Variants in NTRK2 observed in about 807,000 individuals in gnomAD.
NTRK2 encodes the protein BDNF/NT-3 growth factors receptor.
In NTRK2, 13 loss-of-function variants were observed where a neutral mutation model predicts 94.5. The observed-to-expected ratio is 0.14, with a 90% CI of 0.09 to 0.22. The LOEUF is 0.22. Ranked by LOEUF, NTRK2 falls within the 10% of genes least tolerant of loss-of-function variation. The pLI is 1.00. For synonymous variants in NTRK2, 372 were observed against 407.4 expected (o/e 0.91, Z 1.05); for missense variants, 639 against 1,071.2 (o/e 0.60, Z 5.63).
chr9:85,013,449 C>T (rs567392012), intron 17 of NTRK2, among the ~76,000 whole-genome samples: 2 of 152,170 alleles, frequency 1.3e-5, no homozygotes, highest in South Asian at 2.1e-4. Flanking sequence ...ATTACAGGTG[C>T]GTGACACCAC....
intron 10 of NTRK2, among the ~76,000 whole-genome samples, chr9:84,742,816 T>TTTC (rs1554713365): frequency 1.5e-5 from 2 of 136,794 alleles, no homozygotes; most frequent in Non-Finnish European, 3.1e-5. Flanking sequence ...TTTTTTTTTT[T>TTTC]CCGAGACGGA....
Position 84,707,840 on chromosome 9 carries a change from T to C in NTRK2, c.360-4T>C, listed in dbSNP as rs779129855. The stretch of plus-strand genomic sequence containing the variant: ...TCATGTTTAATGTTTTTGATTCCTT[T>C]CAGCAATTTTACCCGAAACAAACTG... On this transcript the variant is annotated splice_polypyrimidine_tract_variant and splice_region_variant and intron_variant, in intron 4 of 18. Coordinates refer to ENST00000277120, the MANE Select transcript of NTRK2 (RefSeq NM_006180.6). The C allele has an allele frequency of 1.2e-6, 2 of 1,610,708 alleles. No individual in the cohort carries two copies. The highest frequency in any genetic ancestry group is 4.5e-5 in the East Asian group (2 of 44,754).
Position 85,024,938 on chromosome 9 carries a change from T to C in NTRK2, c.*3501T>C. On this transcript the variant is annotated 3_prime_UTR_variant, in exon 19 of 19. Transcript: ENST00000277120. ...GTGTTATAAATACTTGATTTATACA[T>C]ATACAAATGCACATACGTAGTGTGT... is the stretch of plus-strand genomic sequence containing the variant. 4.3e-6 allele frequency: 1 copy of C among 233,102 alleles called. No individual in the cohort carries two copies. 14.4% of individuals were successfully genotyped at this position (233,102 alleles called of 1,614,324 possible).
chr9:84,686,901 C>A (rs2059751673), intron 2 of NTRK2, among the ~76,000 whole-genome samples: 1 of 151,862 alleles, frequency 6.6e-6, no homozygotes, highest in Non-Finnish European at 1.5e-5. Flanking sequence ...GTTGAATAAT[C>A]AAAAAGATAA....
intron 17 of NTRK2, among the ~76,000 whole-genome samples, chr9:85,019,792 G>A (rs529913882): frequency 6.6e-6 from 1 of 152,342 alleles, no homozygotes; most frequent in East Asian, 1.9e-4. Context: ...CTCTGGCCTT[G>A]CCAAGGAAGT....
intron 16 of NTRK2, among the ~76,000 whole-genome samples, chr9:84,949,286 T>A (rs765053757): frequency 3.3e-5 from 5 of 152,134 alleles, no homozygotes; most frequent in Non-Finnish European, 7.4e-5. Flanking sequence ...CCTGAGGTCA[T>A]GAAAAGATGG....
intron 12 of NTRK2, among the ~76,000 whole-genome samples, chr9:84,826,187 T>G (rs918504621): frequency 6.6e-6 from 1 of 152,088 alleles, no homozygotes; most frequent in Non-Finnish European, 1.5e-5. Flanking sequence ...CATTGTGGAG[T>G]CTGGAAGTTT....
chr9:84,723,457 A>G, intron 6 of NTRK2, 116 bp from the exon 7 acceptor site: 4 of 1,250,532 alleles, frequency 3.2e-6, no homozygotes. Context: ...AATCAGTCTC[A>G]AAAAGCAATT....
chr9:84,899,161 T>C (rs1326512616), intron 14 of NTRK2, among the ~76,000 whole-genome samples: 1 of 152,224 alleles, frequency 6.6e-6, no homozygotes, highest in Admixed American at 6.5e-5. Flanking sequence ...GATGTCAGCA[T>C]GAATGTCTCC....
intron 14 of NTRK2, among the ~76,000 whole-genome samples, chr9:84,887,879 G>A (rs945669114): frequency 2.6e-5 from 4 of 152,186 alleles, no homozygotes; most frequent in Non-Finnish European, 5.9e-5. Context: ...ATTTGTTAAC[G>A]TTAATTGAGG....
At chr9:84,775,128 T>A (rs2066906621) in intron 12 of NTRK2, among the ~76,000 whole-genome samples, 1 of 152,238 alleles carries the variant, frequency 6.6e-6, no homozygotes, top group South Asian at 2.1e-4. Context: ...TAATGGTCCA[T>A]GAGGCTGAGA....
intron 12 of NTRK2, among the ~76,000 whole-genome samples, chr9:84,824,963 T>G (rs980890330): frequency 1.9e-4 from 29 of 152,002 alleles, no homozygotes; most frequent in Non-Finnish European, 3.5e-4. Flanking sequence ...ACCTCTGGAT[T>G]TTGTGGGTTC....
chr9:84,824,482 T>C (rs2073056161), intron 12 of NTRK2, among the ~76,000 whole-genome samples: 1 of 152,230 alleles, frequency 6.6e-6, no homozygotes, highest in Admixed American at 6.5e-5. Context: ...AGCTCTTCTT[T>C]TCCTCTAGTA....
intron 14 of NTRK2, among the ~76,000 whole-genome samples, chr9:84,885,023 G>A (rs12350173): frequency 0.012 from 1,783 of 152,272 alleles, 38 homozygotes; most frequent in African/African-American, 0.041. Flanking sequence ...GCAAGGAAAC[G>A]GATGGAAAAC....
intron 14 of NTRK2, among the ~76,000 whole-genome samples, chr9:84,899,158 G>A (rs2076851031): frequency 1.3e-5 from 2 of 152,180 alleles, no homozygotes; most frequent in Admixed American, 1.3e-4. Flanking sequence ...AAGGATGTCA[G>A]CATGAATGTC....
intron 14 of NTRK2, among the ~76,000 whole-genome samples, chr9:84,926,177 T>TTC (rs1564471174): frequency 1.6e-5 from 1 of 62,672 alleles, no homozygotes; most frequent in African/African-American, 5.4e-5. Context: ...TTCCTTTCTT[T>TTC]CTTTCTTTCT....
At chr9:84,722,055 G>A (rs191885630) in intron 6 of NTRK2, among the ~76,000 whole-genome samples, 1 of 151,660 alleles carries the variant, frequency 6.6e-6, no homozygotes, top group African/African-American at 2.4e-5. Context: ...CTCATCTAAG[G>A]CCACAAAGTT....
chr9:84,815,162 C>G, intron 12 of NTRK2: 1 of 1,057,406 alleles, frequency 9.5e-7, no homozygotes, highest in Non-Finnish European at 1.1e-6. Context: ...AAAGAACGTC[C>G]CAGCCACCTG....
At chr9:84,801,503 T>C (rs1415486423) in intron 12 of NTRK2, among the ~76,000 whole-genome samples, 1 of 152,196 alleles carries the variant, frequency 6.6e-6, no homozygotes, top group Non-Finnish European at 1.5e-5. Context: ...TTCGGTATTC[T>C]CCTGTGACGC....
Sources: allele counts gnomAD v4.1 joint callset (sites outside exome capture counted in the v4.1 genomes callset), GRCh38; gene constraint gnomAD v4.1.1; transcripts MANE v1.5; gene names NCBI Gene and HGNC (gene_info 2026-07-23, HGNC 2026-07-21).